Variants in STARD13 observed in about 807,000 individuals in gnomAD.
STARD13 encodes StAR related lipid transfer domain containing 13.
A neutral mutation model predicts 106.4 loss-of-function variants in STARD13; 62 were observed. The ratio of observed to expected loss-of-function variants is 0.58; its 90% CI spans 0.48 to 0.72. The LOEUF is 0.72. Among genes scored for constraint, STARD13 ranks in the 30% least tolerant of loss-of-function variants. STARD13 has a pLI of 0.00. For missense variants in STARD13, 1,387 were observed against 1,424.0 expected (o/e 0.97, Z 0.42); for synonymous variants, 565 against 553.0 (o/e 1.02, Z -0.31).
chr13:33,139,566 G>A (rs1445545024), intron 4 of STARD13, among the ~76,000 whole-genome samples: 1 of 152,150 alleles, frequency 6.6e-6, no homozygotes, highest in East Asian at 1.9e-4. Flanking sequence ...GATTGGAGGT[G>A]GGGATTCTAT....
intron 1 of STARD13, among the ~76,000 whole-genome samples, chr13:33,319,674 C>T (rs1213087753): frequency 6.6e-6 from 1 of 152,164 alleles, no homozygotes; most frequent in African/African-American, 2.4e-5. Context: ...ACCAAGATCT[C>T]TGTCTTGGTG....
chr13:33,619,607 T>C, the STARD13 span, among the ~76,000 whole-genome samples: 1 of 151,746 alleles, frequency 6.6e-6, no homozygotes, highest in Admixed American at 6.6e-5. Flanking sequence ...AAAAAGCCAA[T>C]AGAGAATTTT....
chr13:33,641,982 T>C, the STARD13 span, among the ~76,000 whole-genome samples: 1 of 152,254 alleles, frequency 6.6e-6, no homozygotes, highest in African/African-American at 2.4e-5. Context: ...ACAACTATTA[T>C]CTACCAATGG....
the STARD13 span, among the ~76,000 whole-genome samples, chr13:33,516,234 T>C: frequency 2.7e-5 from 4 of 148,470 alleles, no homozygotes; most frequent in Non-Finnish European, 1.5e-5. Flanking sequence ...CTATAATTCA[T>C]TATAATTCAT....
At chr13:33,368,811 G>C in the STARD13 span, among the ~76,000 whole-genome samples, 1 of 152,112 alleles carries the variant, frequency 6.6e-6, no homozygotes, top group African/African-American at 2.4e-5. Flanking sequence ...CCACCATTTG[G>C]TGTGTCTCCC....
intron 1 of STARD13, among the ~76,000 whole-genome samples, chr13:33,321,404 G>C (rs1455456822): frequency 6.6e-6 from 1 of 151,926 alleles, no homozygotes; most frequent in Non-Finnish European, 1.5e-5. Flanking sequence ...TACTCAGAAG[G>C]CTGAGGCACG....
chr13:33,462,722 A>T, the STARD13 span, among the ~76,000 whole-genome samples: 1 of 151,936 alleles, frequency 6.6e-6, no homozygotes, highest in South Asian at 2.1e-4. Flanking sequence ...AGGCGGGAAG[A>T]CTCAGGAAGT....
rs1873572119 is a variant in STARD13, at chr13:33,105,536, C to A, written c.*57G>T. 4.1e-6 allele frequency: 5 copies of A among 1,228,794 alleles called. No individual in the cohort carries two copies. Among genetic ancestry groups the A allele is most frequent in the Middle Eastern group, 1.9e-4 (1 of 5,266 alleles). The allele number at this position is 1,228,794 out of a possible 1,614,324, so 76.1% of individuals were successfully genotyped here. A position where few individuals can be genotyped will look rare whatever the true frequency, so the allele number is the denominator to read the frequency against. The stretch of plus-strand genomic sequence containing the variant: ...CGCTTTCTCACATGCACACTCTCTG[C>A]CACACTCGTCACTTTAGCTTCCTCT... On this transcript the variant is annotated 3_prime_UTR_variant, in exon 14 of 14. Transcript: ENST00000336934.
At chr13:33,468,165 T>G in the STARD13 span, among the ~76,000 whole-genome samples, 7 of 152,230 alleles carry the variant, frequency 4.6e-5, no homozygotes, top group Non-Finnish European at 1.0e-4. Context: ...GATATTCTTG[T>G]GGACATCTAA....
At chr13:33,306,857 G>A (rs1892924443) in intron 1 of STARD13, among the ~76,000 whole-genome samples, 1 of 152,100 alleles carries the variant, frequency 6.6e-6, no homozygotes, top group Non-Finnish European at 1.5e-5. Context: ...GGCTGAGGCA[G>A]GAGAATCACT....
chr13:33,362,885 A>G, the STARD13 span, among the ~76,000 whole-genome samples: 11 of 152,224 alleles, frequency 7.2e-5, 1 homozygote, highest in Admixed American at 6.5e-4. Flanking sequence ...CCCAGCACCT[A>G]GAGCAGTGTT....
At chr13:33,204,651 A>G (rs1022019830) in intron 1 of STARD13, among the ~76,000 whole-genome samples, 3 of 152,226 alleles carry the variant, frequency 2.0e-5, no homozygotes, top group Non-Finnish European at 4.4e-5. Context: ...TTTCTCTCCC[A>G]TTTATAGTTG....
chr13:33,633,327 T>C, the STARD13 span, among the ~76,000 whole-genome samples: 17 of 152,368 alleles, frequency 1.1e-4, no homozygotes, highest in Admixed American at 2.6e-4. Context: ...TATTAGATTC[T>C]TGTAAATGGA....
chr13:33,132,192 T>C (rs1878398028), intron 4 of STARD13, among the ~76,000 whole-genome samples: 2 of 152,210 alleles, frequency 1.3e-5, no homozygotes, highest in South Asian at 4.1e-4. Flanking sequence ...TTCTATGGCT[T>C]AGAAGTCAGG....
chr13:33,127,293 A>G (rs932789413), intron 6 of STARD13, 80 bp downstream of exon 6: 1 of 1,435,818 alleles, frequency 7.0e-7, no homozygotes, highest in African/African-American at 1.5e-5. Context: ...CAGATATCAC[A>G]AAGTAAACAT....
At chr13:33,336,757 G>GAAAAAA (rs113858591) in intron 1 of STARD13, 92,014 of 113,434 alleles carry the variant, frequency 0.81, 38,392 homozygotes, top group East Asian at 0.91. Flanking sequence ...CCCTGTATCA[G>GAAAAAA]AAAAAAAAAA....
chr13:33,341,765 C>A (rs1340830461), intron 1 of STARD13, among the ~76,000 whole-genome samples: 1 of 152,006 alleles, frequency 6.6e-6, no homozygotes, highest in Non-Finnish European at 1.5e-5. Context: ...ATAGGTTAGG[C>A]CAAGGTTAAG....
intron 1 of STARD13, chr13:33,280,219 T>C (rs1222945692): frequency 6.6e-6 from 1 of 152,174 alleles, no homozygotes; most frequent in Non-Finnish European, 1.5e-5. Flanking sequence ...CCACTTAGGT[T>C]GGGCAAATTC....
intron 1 of STARD13, among the ~76,000 whole-genome samples, chr13:33,245,076 G>T (rs1313764470): frequency 1.3e-5 from 2 of 152,156 alleles, no homozygotes. Context: ...TAGAAACATA[G>T]GCTCCCTTGC....
Sources: allele counts gnomAD v4.1 joint callset (sites outside exome capture counted in the v4.1 genomes callset), GRCh38; gene constraint gnomAD v4.1.1; transcripts MANE v1.5; gene names NCBI Gene and HGNC (gene_info 2026-07-23, HGNC 2026-07-21).